MYO16: variants seen among roughly 807,000 people sequenced by gnomAD.
MYO16 encodes the protein unconventional myosin-XVI.
MYO16 carries 94 observed loss-of-function variants against 205.3 expected under a neutral mutation model. That is an observed-to-expected ratio of 0.46 (90% CI 0.39 to 0.54). MYO16 has a LOEUF of 0.54. Ranked by LOEUF, MYO16 falls within the 20% of genes least tolerant of loss-of-function variation. The pLI is 0.00. For synonymous variants in MYO16, 988 were observed against 954.0 expected (o/e 1.04, Z -0.66); for missense variants, 2,315 against 2,387.5 (o/e 0.97, Z 0.63).
In MYO16 at chr13:108,667,781, C is replaced by G. The variant is rs112394178; in HGVS notation, c.292+1632C>G. On this transcript the variant is annotated intron_variant, in intron 2 of 34. Transcript: ENST00000457511. Reference sequence around the variant, plus strand: ...ATAATTGGTGCCAGGTATGGTGGCTCATACCTATAATCCCAACACTTTGGG... The same window carrying G: ...ATAATTGGTGCCAGGTATGGTGGCTGATACCTATAATCCCAACACTTTGGG... Among the ~76,000 whole-genome samples the G allele has an allele frequency of 1.5e-3, 228 of 152,286 alleles. 1 individual carries two copies. The highest frequency in any genetic ancestry group is 5.2e-3 in the African/African-American group (218 of 41,564).
At chr13:109,183,638 T>C (rs1370817998) in intron 34 of MYO16, among the ~76,000 whole-genome samples, 1 of 152,256 alleles carries the variant, frequency 6.6e-6, no homozygotes, top group African/African-American at 2.4e-5. Flanking sequence ...ATGTGCTTTA[T>C]GTTCTTTTAT....
At chr13:108,825,929 T>G (rs917356248) in intron 9 of MYO16, among the ~76,000 whole-genome samples, 1 of 151,878 alleles carries the variant, frequency 6.6e-6, no homozygotes, top group Admixed American at 6.6e-5. Flanking sequence ...GTTTTTACAC[T>G]GAAAACTACA....
chr13:109,132,089 A>C (rs762989729), intron 31 of MYO16, among the ~76,000 whole-genome samples: 2 of 152,256 alleles, frequency 1.3e-5, no homozygotes, highest in Admixed American at 1.3e-4. Context: ...TCTGACAGTC[A>C]GTTTCCTCAT....
intron 8 of MYO16, among the ~76,000 whole-genome samples, chr13:108,822,209 A>G (rs426058): frequency 0.028 from 4,240 of 152,316 alleles, 182 homozygotes; most frequent in African/African-American, 0.094. Flanking sequence ...CAATTTGTTA[A>G]GTGGGACATA....
chr13:108,572,679 G>A, the MYO16 span, among the ~76,000 whole-genome samples: 1 of 152,124 alleles, frequency 6.6e-6, no homozygotes, highest in South Asian at 2.1e-4. Context: ...TGTGACATAG[G>A]TTACTGAAAA....
intron 9 of MYO16, among the ~76,000 whole-genome samples, chr13:108,826,522 T>C (rs2139029452): frequency 6.6e-6 from 1 of 152,160 alleles, no homozygotes; most frequent in Middle Eastern, 3.4e-3. Context: ...TTCTTAGATA[T>C]GACACCGAAA....
chr13:108,607,088 A>G (rs534651139), intron 1 of MYO16, among the ~76,000 whole-genome samples: 45 of 152,228 alleles, frequency 3.0e-4, no homozygotes, highest in Non-Finnish European at 5.1e-4. Context: ...CTGTATCCCC[A>G]TGGTATCTAG....
intron 27 of MYO16, among the ~76,000 whole-genome samples, chr13:109,082,265 G>T (rs928336075): frequency 6.6e-6 from 1 of 152,170 alleles, no homozygotes; most frequent in Admixed American, 6.5e-5. Flanking sequence ...AACCTCTCCA[G>T]ACACTGCCAG....
At chr13:108,560,124 T>C in the MYO16 span, among the ~76,000 whole-genome samples, 3 of 152,230 alleles carry the variant, frequency 2.0e-5, no homozygotes, top group African/African-American at 7.2e-5. Flanking sequence ...GATTTTCTTT[T>C]CTAATGTTGA....
At chr13:108,610,652 A>G (rs1249478076) in intron 1 of MYO16, among the ~76,000 whole-genome samples, 5 of 152,206 alleles carry the variant, frequency 3.3e-5, no homozygotes, top group African/African-American at 1.2e-4. Flanking sequence ...GCTGCCATTT[A>G]TAGTAAATCC....
chr13:108,775,480 G>T (rs1886094191), intron 4 of MYO16, among the ~76,000 whole-genome samples: 1 of 151,832 alleles, frequency 6.6e-6, no homozygotes, highest in African/African-American at 2.4e-5. Context: ...TTAGTAGATA[G>T]ATTTGCTATG....
At chr13:108,786,047 G>A (rs1253672017) in intron 5 of MYO16, among the ~76,000 whole-genome samples, 1 of 152,194 alleles carries the variant, frequency 6.6e-6, no homozygotes, top group Non-Finnish European at 1.5e-5. Flanking sequence ...GTTCTCCCCT[G>A]GGAGGGGAAG....
At chr13:109,122,312 C>G (rs1876027203) in intron 29 of MYO16, among the ~76,000 whole-genome samples, 1 of 148,876 alleles carries the variant, frequency 6.7e-6, no homozygotes, top group South Asian at 2.2e-4. Context: ...TTTCTATACC[C>G]TATTGACCTG....
intron 1 of MYO16, among the ~76,000 whole-genome samples, chr13:108,601,798 A>G (rs1878773276): frequency 6.6e-6 from 1 of 152,048 alleles, no homozygotes; most frequent in Non-Finnish European, 1.5e-5. Context: ...TGTGACCTTT[A>G]TGTTATCCTG....
intron 24 of MYO16, chr13:109,048,501 T>C (rs1169031141): frequency 2.1e-6 from 1 of 486,932 alleles, no homozygotes; most frequent in Non-Finnish European, 3.8e-6. Context: ...GCTGTTATAA[T>C]GTGAAAAACA....
chr13:109,026,368 CA>C (rs1886360922), intron 23 of MYO16, among the ~76,000 whole-genome samples: 1 of 151,868 alleles, frequency 6.6e-6, no homozygotes, highest in South Asian at 2.1e-4. Flanking sequence ...GCCATGTGAC[CA>C]CGGGGGGAGG....
At chr13:108,845,881 T>A (rs1877493937) in intron 10 of MYO16, among the ~76,000 whole-genome samples, 1 of 36,344 alleles carries the variant, frequency 2.8e-5, no homozygotes, top group African/African-American at 1.4e-4. Context: ...TCTCTGCCAT[T>A]TTTTTTTTTA....
At chr13:108,551,574 C>T in the MYO16 span, among the ~76,000 whole-genome samples, 1 of 152,044 alleles carries the variant, frequency 6.6e-6, no homozygotes, top group African/African-American at 2.4e-5. Context: ...CTCTAGAATG[C>T]CTCCTCTCCA....
At position 108,995,353 on chromosome 13, in the gene MYO16, C is replaced by T. The variant is rs1242118967; in HGVS notation, c.2442+2905C>T. 2.0e-5 allele frequency among the ~76,000 whole-genome samples: 3 copies of T among 152,196 alleles called. No homozygotes were observed. The East Asian group carries it at 5.8e-4, about 29-fold the overall frequency. On this transcript the variant is annotated intron_variant, in intron 21 of 34. Transcript: ENST00000457511. ...CTAAATCGCCTCCCAAAGGCCCCAC[C>T]TTCTAATCCCATCACTTTGGCAAAT...
Sources: gnomAD v4.1 joint callset for allele counts (sites outside exome capture counted in the v4.1 genomes callset) on GRCh38, gnomAD v4.1.1 for gene constraint, MANE v1.5 for transcripts, NCBI Gene and HGNC (gene_info 2026-07-23, HGNC 2026-07-21) for gene names.